Variants in LRMDA observed in about 807,000 individuals in gnomAD.
The protein encoded by LRMDA is leucine rich melanocyte differentiation associated, also known as leucine-rich melanocyte differentiation-associated protein.
A neutral mutation model predicts 29.8 loss-of-function variants in LRMDA; 18 were observed. The observed-to-expected ratio is 0.60, with a 90% CI of 0.42 to 0.90. The LOEUF (loss-of-function observed/expected upper bound fraction) is 0.90. LRMDA is among the 40% of genes least tolerant of loss of function. The pLI, the probability that LRMDA is intolerant of heterozygous loss-of-function variation, is 0.00. For missense variants in LRMDA, 273 were observed against 273.9 expected (o/e 1.00, Z 0.02); for synonymous variants, 125 against 109.4 (o/e 1.14, Z -0.89).
intron 6 of LRMDA, among the ~76,000 whole-genome samples, chr10:76,533,152 T>A (rs72819376): frequency 3.2e-5 from 2 of 63,486 alleles, no homozygotes; most frequent in South Asian, 1.3e-3. Context: ...AGAGCGAGAG[T>A]GAGAGAGAGC....
chr10:75,648,612 T>G (rs949290445), intron 2 of LRMDA, among the ~76,000 whole-genome samples: 2 of 152,118 alleles, frequency 1.3e-5, no homozygotes, highest in Non-Finnish European at 2.9e-5. Context: ...CTACAAAGAC[T>G]CTGGAGCCTC....
At chr10:75,678,635 T>G (rs977899751) in intron 2 of LRMDA, among the ~76,000 whole-genome samples, 4 of 152,232 alleles carry the variant, frequency 2.6e-5, no homozygotes, top group African/African-American at 9.6e-5. Context: ...TGCTGTTTCC[T>G]CTTCTTCATT....
chr10:76,251,269 G>A (rs1243128764), intron 5 of LRMDA, among the ~76,000 whole-genome samples: 2 of 99,472 alleles, frequency 2.0e-5, no homozygotes, highest in Admixed American at 1.6e-4. Flanking sequence ...TTTTTGAGAC[G>A]GAGTCTCGCT....
At chr10:75,918,947 G>C (rs1845980839) in intron 2 of LRMDA, among the ~76,000 whole-genome samples, 1 of 152,212 alleles carries the variant, frequency 6.6e-6, no homozygotes, top group African/African-American at 2.4e-5. Context: ...GGAGTTAGGA[G>C]AGTTGTCCTG....
intron 5 of LRMDA, among the ~76,000 whole-genome samples, chr10:76,310,010 T>A (rs1047795689): frequency 1.3e-5 from 2 of 152,266 alleles, no homozygotes; most frequent in Non-Finnish European, 2.9e-5. Context: ...ATAAATCATG[T>A]ATGACATGAA....
intron 5 of LRMDA, among the ~76,000 whole-genome samples, chr10:76,136,258 C>T (rs1052276725): frequency 2.0e-5 from 3 of 152,080 alleles, no homozygotes; most frequent in African/African-American, 7.2e-5. Flanking sequence ...ATATGAAGCT[C>T]AGAGTGTGGC....
chr10:76,543,284 G>A (rs140322028), intron 6 of LRMDA, among the ~76,000 whole-genome samples: 4 of 151,400 alleles, frequency 2.6e-5, no homozygotes, highest in African/African-American at 9.7e-5. Context: ...TTGCCCCCAT[G>A]ATTGGAGAAT....
intron 2 of LRMDA, among the ~76,000 whole-genome samples, chr10:75,947,470 G>A (rs952111478): frequency 7.9e-5 from 12 of 152,190 alleles, no homozygotes; most frequent in Non-Finnish European, 1.8e-4. Context: ...TATTCATGTA[G>A]GCAGGTGCCC....
chr10:76,422,589 C>T (rs1233929633), intron 6 of LRMDA, among the ~76,000 whole-genome samples: 1 of 152,178 alleles, frequency 6.6e-6, no homozygotes, highest in Non-Finnish European at 1.5e-5. Flanking sequence ...GCCCCTATTT[C>T]ATGTCTCATT....
intron 5 of LRMDA, among the ~76,000 whole-genome samples, chr10:76,077,444 T>C (rs1848978009): frequency 1.3e-5 from 2 of 152,176 alleles, no homozygotes; most frequent in South Asian, 4.1e-4. Context: ...TCTGTCTTTG[T>C]CATGGCTAAT....
rs1246219962 is a variant in LRMDA, at chr10:76,324,577, T to C, written c.601+92T>C. ...GGCTCATTACTGCTGCCTCGGCACT[T>C]TAGAAAGAACACAGTGCTTTTTAAG... On this transcript the variant is annotated intron_variant, in intron 6 of 6. Coordinates refer to ENST00000611255, the MANE Select transcript of LRMDA (RefSeq NM_001305581.2). 5 of 1,126,784 alleles carry C rather than the reference T, an allele frequency of 4.4e-6. No homozygotes were observed. In the African/African-American group the frequency reaches 6.2e-5, roughly 14 times the overall value. The allele number at this position is 1,126,784 out of a possible 1,614,324, so 69.8% of individuals were successfully genotyped here. A position where few individuals can be genotyped will look rare whatever the true frequency, so the allele number is the denominator to read the frequency against.
At chr10:76,192,910 A>G (rs1251018611) in intron 5 of LRMDA, among the ~76,000 whole-genome samples, 3 of 152,206 alleles carry the variant, frequency 2.0e-5, no homozygotes, top group African/African-American at 4.8e-5. Context: ...AGGTATGCAT[A>G]TATCCCACTA....
At chr10:75,750,361 C>T (rs570062618) in intron 2 of LRMDA, among the ~76,000 whole-genome samples, 12 of 150,464 alleles carry the variant, frequency 8.0e-5, no homozygotes, top group East Asian at 4.0e-4. Flanking sequence ...ACTTCTCAGA[C>T]GGGGCAGCAG....
chr10:76,193,361 CTTCAATCA>C (rs1226644120), intron 5 of LRMDA, among the ~76,000 whole-genome samples: 1 of 152,152 alleles, frequency 6.6e-6, no homozygotes. Context: ...AGGCTCCCTG[CTTCAATCA>C]TTCTCTTTTA....
At chr10:76,427,620 G>A (rs1352157355) in intron 6 of LRMDA, among the ~76,000 whole-genome samples, 1 of 152,122 alleles carries the variant, frequency 6.6e-6, no homozygotes, top group African/African-American at 2.4e-5. Flanking sequence ...GATTGCCCTG[G>A]CCAGAACCTC....
intron 2 of LRMDA, among the ~76,000 whole-genome samples, chr10:75,805,308 G>C (rs1843832264): frequency 6.6e-6 from 1 of 152,204 alleles, no homozygotes; most frequent in Non-Finnish European, 1.5e-5. Flanking sequence ...GGAATTCAAA[G>C]GCCAAGCTGC....
chr10:76,268,960 C>T (rs1840036486), intron 5 of LRMDA, among the ~76,000 whole-genome samples: 1 of 152,280 alleles, frequency 6.6e-6, no homozygotes, highest in East Asian at 1.9e-4. Flanking sequence ...TGACTTCTGA[C>T]TGCAGAAGGG....
chr10:76,112,395 G>C (rs1849594671), intron 5 of LRMDA, among the ~76,000 whole-genome samples: 1 of 152,218 alleles, frequency 6.6e-6, no homozygotes, highest in South Asian at 2.1e-4. Flanking sequence ...GGACAGAGTG[G>C]AGCCGGCGCC....
rs374030342 is a variant in LRMDA, at chr10:76,151,157, A to T, written c.516+92374A>T. Among the ~76,000 whole-genome samples, 3 of 152,116 alleles carry T rather than the reference A, an allele frequency of 2.0e-5. 1 individual carries two copies. The highest frequency in any genetic ancestry group is 4.4e-5 in the Non-Finnish European group (3 of 68,032). On this transcript the variant is annotated intron_variant, in intron 5 of 6. Coordinates refer to ENST00000611255, the MANE Select transcript of LRMDA (RefSeq NM_001305581.2). ...CTATATGTTTACATTTCCTGTGTAC[A>T]TTTCCTGTGAAGATCTTCGTTGTCA...
Sources: gnomAD v4.1 joint callset for allele counts (sites outside exome capture counted in the v4.1 genomes callset) on GRCh38, gnomAD v4.1.1 for gene constraint, MANE v1.5 for transcripts, NCBI Gene and HGNC (gene_info 2026-07-23, HGNC 2026-07-21) for gene names.